Variants in DENND1A observed in about 807,000 individuals in gnomAD.
DENND1A encodes DENN domain-containing protein 1A.
A neutral mutation model predicts 113.7 loss-of-function variants in DENND1A; 51 were observed. That is an observed-to-expected ratio of 0.45 (90% CI 0.36 to 0.57). The LOEUF is 0.57. Ranked by LOEUF, DENND1A falls within the 20% of genes least tolerant of loss-of-function variation. The pLI, the probability that DENND1A is intolerant of heterozygous loss-of-function variation, is 0.00. For missense variants in DENND1A, 1,258 were observed against 1,395.9 expected, an observed-to-expected ratio of 0.90 and a Z score of 1.57; for synonymous variants, 565 against 570.8, an observed-to-expected ratio of 0.99 and a Z score of 0.14.
chr9:123,619,136 G>A (rs565787991), intron 10 of DENND1A, among the ~76,000 whole-genome samples: 285 of 152,084 alleles, frequency 1.9e-3, no homozygotes, highest in Non-Finnish European at 3.7e-3. Context: ...TAGTAGAGAC[G>A]GGGTCTCACC....
At chr9:123,415,247 C>G (rs74360365) in intron 19 of DENND1A, among the ~76,000 whole-genome samples, 4,233 of 152,244 alleles carry the variant, frequency 0.028, 292 homozygotes, top group East Asian at 0.24. Flanking sequence ...GGGAGTTTTC[C>G]CTGCGGGTTG....
At position 123,578,573 on chromosome 9, in the gene DENND1A, G is replaced by A. The variant is rs949815078; in HGVS notation, c.867+4596C>T. ...AGCCTCTTTTAATAAAGTTTCCAGC[G>A]TAGATGCCATGTTTTACAAGATTTC... is the stretch of plus-strand genomic sequence containing the variant. On this transcript the variant is annotated intron_variant, in intron 12 of 23. Coordinates refer to ENST00000394215, the MANE Select transcript of DENND1A (RefSeq NM_001352964.2). Among the ~76,000 whole-genome samples the A allele has an allele frequency of 4.6e-5, 7 of 152,254 alleles. 1 individual carries two copies. In the South Asian group the frequency reaches 6.2e-4, roughly 14 times the overall value.
intron 18 of DENND1A, among the ~76,000 whole-genome samples, chr9:123,443,159 C>A (rs1371103588): frequency 6.6e-6 from 1 of 152,134 alleles, no homozygotes. Flanking sequence ...GGTGGAATAA[C>A]CCAGAGCTAT....
chr9:123,825,712 A>T (rs537097924), intron 2 of DENND1A, among the ~76,000 whole-genome samples: 5 of 152,276 alleles, frequency 3.3e-5, no homozygotes, highest in South Asian at 2.1e-4. Flanking sequence ...GTAAGAGTGT[A>T]TATTTATCAC....
chr9:123,655,955 A>C (rs753327750), intron 8 of DENND1A, among the ~76,000 whole-genome samples: 21 of 152,210 alleles, frequency 1.4e-4, no homozygotes, highest in Non-Finnish European at 1.9e-4. Flanking sequence ...GAGATAAACT[A>C]ACTGTGATCT....
At chr9:123,901,362 G>A (rs909017725) in intron 1 of DENND1A, among the ~76,000 whole-genome samples, 2 of 152,180 alleles carry the variant, frequency 1.3e-5, no homozygotes, top group Non-Finnish European at 2.9e-5. Context: ...ACATCTTACA[G>A]ACTATTCCCT....
At chr9:123,710,536 C>G (rs1589761356) in intron 5 of DENND1A, among the ~76,000 whole-genome samples, 1 of 113,566 alleles carries the variant, frequency 8.8e-6, no homozygotes, top group Non-Finnish European at 1.6e-5. Context: ...CCTCATTAAA[C>G]ACACACACAC....
chr9:123,732,085 C>T (rs2068218054), intron 5 of DENND1A, among the ~76,000 whole-genome samples: 2 of 152,188 alleles, frequency 1.3e-5, no homozygotes, highest in Non-Finnish European at 2.9e-5. Context: ...TGACACCTTG[C>T]TTGTGGGAAT....
chr9:123,710,218 G>A (rs529012961), intron 5 of DENND1A, among the ~76,000 whole-genome samples: 15 of 152,268 alleles, frequency 9.9e-5, no homozygotes, highest in African/African-American at 2.4e-4. Flanking sequence ...AAGTGTGTGC[G>A]TCTAAAGATA....
intron 11 of DENND1A, among the ~76,000 whole-genome samples, chr9:123,596,066 C>T (rs2059675891): frequency 6.6e-6 from 1 of 152,182 alleles, no homozygotes; most frequent in African/African-American, 2.4e-5. Context: ...CTGCAAAGCA[C>T]AAACATGCGA....
In DENND1A at chr9:123,502,025, C is replaced by T. The variant is rs138612692; in HGVS notation, c.994-44128G>A. Among the ~76,000 whole-genome samples, 708 of 152,276 alleles carry T rather than the reference C, an allele frequency of 4.6e-3. 3 individuals are homozygous for T. Among genetic ancestry groups the T allele is most frequent in the Middle Eastern group, 0.01 (3 of 292 alleles). On this transcript the variant is annotated intron_variant, in intron 13 of 23. Coordinates refer to ENST00000394215, the MANE Select transcript of DENND1A (RefSeq NM_001352964.2). ...CTATTGGTTCTGTCCCTCTAGATAA[C>T]CCTAATACAGGCTCCATATCTCTAT...
At chr9:123,443,339 C>T (rs1348422185) in intron 18 of DENND1A, among the ~76,000 whole-genome samples, 13 of 152,222 alleles carry the variant, frequency 8.5e-5, no homozygotes, top group Admixed American at 8.5e-4. Context: ...TTTTGTATCT[C>T]TATCAACTGT....
chr9:123,630,621 A>C, intron 9 of DENND1A, 145 bp from the exon 10 acceptor site: 1 of 482,912 alleles, frequency 2.1e-6, no homozygotes. Context: ...AGTTAACTCA[A>C]TCACCCTAAT....
At chr9:123,873,730 C>T (rs1588031119) in intron 2 of DENND1A, among the ~76,000 whole-genome samples, 1 of 151,626 alleles carries the variant, frequency 6.6e-6, no homozygotes, top group South Asian at 2.1e-4. Flanking sequence ...ATGTAAAAGG[C>T]AAAATTATCT....
chr9:123,716,340 A>C (rs963404232), intron 5 of DENND1A, among the ~76,000 whole-genome samples: 1 of 152,230 alleles, frequency 6.6e-6, no homozygotes, highest in Non-Finnish European at 1.5e-5. Flanking sequence ...ATTTGCTTTT[A>C]AAAGTTCCCA....
chr9:123,886,461 G>A (rs898852491), intron 1 of DENND1A, among the ~76,000 whole-genome samples: 1 of 152,108 alleles, frequency 6.6e-6, no homozygotes, highest in Non-Finnish European at 1.5e-5. Context: ...CAGCTTCAGC[G>A]CAGTGTTTCC....
intron 13 of DENND1A, among the ~76,000 whole-genome samples, chr9:123,540,977 A>C (rs180788917): frequency 1.3e-5 from 2 of 152,126 alleles, no homozygotes; most frequent in Admixed American, 1.3e-4. Context: ...ACCTCACCTC[A>C]CCCAGGAGCT....
intron 1 of DENND1A, among the ~76,000 whole-genome samples, chr9:123,904,126 C>T (rs1390282196): frequency 1.3e-5 from 2 of 152,144 alleles, no homozygotes; most frequent in African/African-American, 2.4e-5. Flanking sequence ...ACACCTCACA[C>T]AGCAGGGTAT....
chr9:123,769,547 A>T lies in DENND1A; in HGVS notation c.149T>A (p.Leu50Ter). The T allele has an allele frequency of 6.2e-7, 1 of 1,609,986 alleles. No homozygotes were observed. Among genetic ancestry groups the T allele is most frequent in the Non-Finnish European group, 8.5e-7 (1 of 1,178,638 alleles). Residue 50 changes from leucine (L) to a stop codon, truncating the protein, a stop_gained, in exon 4 of 24, where the codon TTG (leucine) becomes TAG (stop). Coordinates refer to ENST00000394215, the MANE Select transcript of DENND1A (RefSeq NM_001352964.2). LOFTEE classifies it high-confidence loss of function. ...DYSDQEVLQT[L>*]TKFCFPFYVD... Reference sequence around the variant, plus strand: ...ATAGAAGGGGAAACAAAACTTGGTCAAAGTCTGTAGAACTTCCTGTGGAGA... The same window carrying T: ...ATAGAAGGGGAAACAAAACTTGGTCTAAGTCTGTAGAACTTCCTGTGGAGA...
Sources: allele counts gnomAD v4.1 joint callset (sites outside exome capture counted in the v4.1 genomes callset), GRCh38; gene constraint gnomAD v4.1.1; transcripts MANE v1.5; gene names NCBI Gene and HGNC (gene_info 2026-07-23, HGNC 2026-07-21).